The following SLC6A9 variants were observed in gnomAD, a reference collection of about 807,000 sequenced individuals.
The protein encoded by SLC6A9 is sodium- and chloride-dependent glycine transporter 1.
Under a neutral mutation model 70.9 loss-of-function variants are expected in SLC6A9, and 31 were observed. That is an observed-to-expected ratio of 0.44 (90% confidence interval 0.33 to 0.59). SLC6A9 has a LOEUF of 0.59. Among genes scored for constraint, SLC6A9 ranks in the 20% least tolerant of loss-of-function variants. SLC6A9 has a pLI of 0.04. For missense variants in SLC6A9, 631 were observed against 845.2 expected, an observed-to-expected ratio of 0.75 and a Z score of 3.14; for synonymous variants, 310 against 341.3, an observed-to-expected ratio of 0.91 and a Z score of 1.01.
At chr1:44,015,938 G>C in intron 2 of SLC6A9, 1 of 929,664 alleles carries the variant, frequency 1.1e-6, no homozygotes, top group Non-Finnish European at 1.3e-6. Context: ...GCCATCTCTG[G>C]GCACCTCTCA....
At position 43,997,993 on chromosome 1, in the gene SLC6A9, C is replaced by G. The variant is rs1420970445; in HGVS notation, c.1569G>C (p.Gln523His). Residue 523 changes from glutamine to histidine, a missense_variant, in exon 13 of 14, where the codon CAG becomes CAC. Physicochemically the swap from Gln to His is conservative, Grantham distance 24. Transcript: ENST00000372310. This position sits in a 1 kb window ranked among gnomAD's most constrained non-coding sequence, Gnocchi z 4.4. ...ACTGGTAGTGGTTGTAGGTGATCGG[C>G]TGGTACTGGATCACAGTGAAAACTA... is the stretch of plus-strand genomic sequence containing the variant. The part of the protein sequence containing the change: ...FILVFTVIQY[Q>H]PITYNHYQYP... 1 of 1,613,766 alleles carries G rather than the reference C, an allele frequency of 6.2e-7. No homozygotes were observed. The highest frequency in any genetic ancestry group is 1.3e-5 in the African/African-American group (1 of 74,930).
At chr1:44,010,450 T>G in intron 3 of SLC6A9, 1 of 135,998 alleles carries the variant, frequency 7.4e-6, no homozygotes, top group Non-Finnish European at 1.4e-5. Flanking sequence ...CAGGGAGCCT[T>G]GTGGGCGGGG....
At chr1:44,000,732 A>G (rs1299266455) in intron 12 of SLC6A9, 35 bp downstream of exon 12, 1 of 1,344,040 alleles carries the variant, frequency 7.4e-7, no homozygotes, top group African/African-American at 1.4e-5. Flanking sequence ...GCCAAGGGGC[A>G]GCGGGGGAAG....
chr1:44,010,569 G>C, intron 3 of SLC6A9, 157 bp downstream of exon 3: 1 of 668,644 alleles, frequency 1.5e-6, no homozygotes, highest in South Asian at 1.9e-5. Context: ...GCCTGCCTTA[G>C]GCAAAGGGTG....
chr1:44,004,491 G>A lies in SLC6A9; in HGVS notation c.591-1506C>T, dbSNP rs558109995. On this transcript the variant is annotated intron_variant, in intron 5 of 13. Transcript: ENST00000372310. ...CTCCCGAGTAGATGGGACTACATGT[G>A]TGCACCACCATGCCCAACTAATTTT... is the stretch of plus-strand genomic sequence containing the variant. Among the ~76,000 whole-genome samples the A allele has an allele frequency of 5.9e-4, 90 of 152,012 alleles. 1 individual carries two copies. The highest frequency in any genetic ancestry group is 1.1e-3 in the Non-Finnish European group (75 of 67,998).
chr1:44,021,499 A>G (rs1012264552), intron 2 of SLC6A9, among the ~76,000 whole-genome samples: 1 of 152,204 alleles, frequency 6.6e-6, no homozygotes, highest in African/African-American at 2.4e-5. Flanking sequence ...CCGACACTGA[A>G]GAGACTTGGA....
At chr1:44,015,648 G>A (rs141305142) in intron 2 of SLC6A9, among the ~76,000 whole-genome samples, 100 of 152,332 alleles carry the variant, frequency 6.6e-4, no homozygotes, top group African/African-American at 2.3e-3. Context: ...ACCTCCTTCC[G>A]GCCAGGCACC....
At chr1:44,011,802 G>T in intron 2 of SLC6A9, 1 of 1,437,022 alleles carries the variant, frequency 7.0e-7, no homozygotes, top group South Asian at 1.2e-5. Flanking sequence ...CTGCAGGACT[G>T]AGCTGGTGGC....
chr1:44,008,472 G>A lies in SLC6A9; in HGVS notation c.471C>T (p.Ala157=), dbSNP rs200658319. ...CNNPWNTHDC[A]GVLDASNLTN... is the part of the protein sequence containing the mutation. ...TGAGGTTGGAGGCGTCCAGTACACCGGCGCAGTCATGCGTGTTCCAGGGGT... is the reference window on the plus strand; with the variant it reads ...TGAGGTTGGAGGCGTCCAGTACACCAGCGCAGTCATGCGTGTTCCAGGGGT... The change falls in exon 5 of 14, where the codon GCC becomes GCT. Residue 157 remains alanine (A), a synonymous_variant. Transcript: ENST00000372310. The A allele has an allele frequency of 1.5e-5, 24 of 1,614,180 alleles. No homozygotes were observed. Among genetic ancestry groups the A allele is most frequent in the South Asian group, 8.8e-5 (8 of 91,088 alleles).
intron 1 of SLC6A9, among the ~76,000 whole-genome samples, chr1:44,029,933 T>C (rs1423262706): frequency 1.3e-5 from 2 of 152,290 alleles, no homozygotes; most frequent in East Asian, 1.9e-4. Context: ...TCCCCACTCC[T>C]CGCCCTGCAG....
chr1:44,031,102 C>G (rs2087108024), intron 1 of SLC6A9, among the ~76,000 whole-genome samples: 1 of 151,522 alleles, frequency 6.6e-6, no homozygotes, highest in South Asian at 2.1e-4. Context: ...ATCTTTGCGG[C>G]GAGACAGACA....
intron 12 of SLC6A9, among the ~76,000 whole-genome samples, chr1:43,999,219 A>G (rs930810189): frequency 3.3e-5 from 5 of 151,886 alleles, no homozygotes; most frequent in African/African-American, 1.2e-4. Flanking sequence ...TTTCAGAAAT[A>G]TGAAAAAGGA....
At chr1:43,999,815 G>A (rs1021041841) in intron 12 of SLC6A9, among the ~76,000 whole-genome samples, 3 of 152,316 alleles carry the variant, frequency 2.0e-5, no homozygotes. Flanking sequence ...CACTGGCCGG[G>A]CCACTGGGCC....
chr1:44,000,347 CA>C (rs2086044239), intron 12 of SLC6A9, among the ~76,000 whole-genome samples: 1 of 152,272 alleles, frequency 6.6e-6, no homozygotes, highest in African/African-American at 2.4e-5. Context: ...TCTGACTCCA[CA>C]GTCTGGTCTA....
chr1:44,002,486 C>G lies in SLC6A9; in HGVS notation c.858+26G>C, dbSNP rs931039166. 6.2e-7 allele frequency: 1 copy of G among 1,614,098 alleles called. No homozygotes were observed. The highest frequency in any genetic ancestry group is 8.5e-7 in the Non-Finnish European group (1 of 1,179,972). On this transcript the variant is annotated intron_variant, in intron 7 of 13. Transcript: ENST00000372310. This position sits in a 1 kb window ranked among gnomAD's most constrained non-coding sequence, Gnocchi z 5.5. ...GCACCTCCCTGGCCCCTCCCCAGCCCCCTTCCGGTTTCCCTCACTTCCCAC... is the reference window on the plus strand; with the variant it reads ...GCACCTCCCTGGCCCCTCCCCAGCCGCCTTCCGGTTTCCCTCACTTCCCAC...
At chr1:44,024,415 C>T in intron 1 of SLC6A9, 53 bp from the exon 2 acceptor site, 1 of 1,098,122 alleles carries the variant, frequency 9.1e-7, no homozygotes, top group Admixed American at 1.8e-5. Context: ...GCCCACAGGG[C>T]TCTCCAGACA....
intron 3 of SLC6A9, chr1:44,010,387 T>C: frequency 2.4e-6 from 1 of 413,800 alleles, no homozygotes; most frequent in African/African-American, 2.2e-5. Context: ...GTTGCTGAGA[T>C]CCTCAACATC....
chr1:44,030,191 G>C (rs1456318633), intron 1 of SLC6A9, among the ~76,000 whole-genome samples: 2 of 152,170 alleles, frequency 1.3e-5, no homozygotes, highest in Non-Finnish European at 2.9e-5. Context: ...ACCGCCCGCA[G>C]CGTCCCGGTT....
intron 4 of SLC6A9, among the ~76,000 whole-genome samples, chr1:44,009,477 C>T (rs926050789): frequency 6.6e-6 from 1 of 152,182 alleles, no homozygotes; most frequent in Non-Finnish European, 1.5e-5. Context: ...CCTGCCTTGG[C>T]CTCCCAAAGT....
Sources: gnomAD v4.1 joint callset for allele counts (sites outside exome capture counted in the v4.1 genomes callset) on GRCh38, gnomAD v4.1.1 for gene constraint, Gnocchi (gnomAD v3.1) non-coding constraint, MANE v1.5 for transcripts, NCBI Gene and HGNC (gene_info 2026-07-23, HGNC 2026-07-21) for gene names.